Variants in ZZEF1 observed in about 807,000 individuals in gnomAD.
ZZEF1 encodes zinc finger ZZ-type and EF-hand domain-containing protein 1.
Under a neutral mutation model 342.8 loss-of-function variants are expected in ZZEF1, and 157 were observed. The observed-to-expected ratio is 0.46, with a 90% CI of 0.40 to 0.52. ZZEF1 has a LOEUF of 0.52. ZZEF1 is among the 20% of genes least tolerant of loss of function. The pLI is 0.00. For synonymous variants in ZZEF1, 1,505 were observed against 1,429.1 expected (o/e 1.05, Z -1.20); for missense variants, 3,480 against 3,725.6 (o/e 0.93, Z 1.72).
intron 2 of ZZEF1, among the ~76,000 whole-genome samples, chr17:4,123,263 A>T (rs1457183145): frequency 2.7e-5 from 3 of 109,888 alleles, no homozygotes; most frequent in African/African-American, 1.1e-4. Context: ...AGAATTTATC[A>T]TAACCATATA....
At chr17:4,138,844 A>G (rs62072176) in intron 1 of ZZEF1, among the ~76,000 whole-genome samples, 22,356 of 152,232 alleles carry the variant, frequency 0.15, 1,772 homozygotes, top group African/African-American at 0.2. Flanking sequence ...TCCCCTCTAC[A>G]TGGCAGTTAA....
chr17:4,079,587 G>A (rs2057684879), intron 18 of ZZEF1, among the ~76,000 whole-genome samples: 1 of 152,106 alleles, frequency 6.6e-6, no homozygotes, highest in Non-Finnish European at 1.5e-5. Context: ...AAAAAATAGA[G>A]CATAGTTTTT....
intron 1 of ZZEF1, among the ~76,000 whole-genome samples, chr17:4,138,236 A>G (rs1192603529): frequency 6.6e-6 from 1 of 152,220 alleles, no homozygotes; most frequent in Admixed American, 6.5e-5. Context: ...CACAGCTCTT[A>G]CAGTCAATAG....
In ZZEF1 at chr17:4,100,810, G is replaced by A. The variant is rs2002426; in HGVS notation, c.1672+1507C>T. Among the ~76,000 whole-genome samples the A allele has an allele frequency of 6.2e-3, 950 of 152,300 alleles. 14 individuals carry two copies. Among genetic ancestry groups the A allele is most frequent in the African/African-American group, 0.022 (910 of 41,546 alleles). ...AGATCATACCACTGCACTCCAGCCTGGGCGATAGAGTGAGACTTCGTCTCA... is the reference window on the plus strand; with the variant it reads ...AGATCATACCACTGCACTCCAGCCTAGGCGATAGAGTGAGACTTCGTCTCA... On this transcript the variant is annotated intron_variant, in intron 9 of 54. Coordinates refer to ENST00000381638, the MANE Select transcript of ZZEF1 (RefSeq NM_015113.4).
At chr17:4,013,395 C>G in intron 52 of ZZEF1, 54 bp downstream of exon 52, 2 of 1,473,886 alleles carry the variant, frequency 1.4e-6, no homozygotes, top group Non-Finnish European at 1.8e-6. Context: ...GGGCCAGCCA[C>G]AGAGTGGGGA....
At chr17:4,130,702 G>C (rs993298464) in intron 1 of ZZEF1, among the ~76,000 whole-genome samples, 3 of 152,052 alleles carry the variant, frequency 2.0e-5, no homozygotes, top group Non-Finnish European at 4.4e-5. Context: ...CCAAACAAGA[G>C]TTTAAGAAAG....
chr17:4,036,360 G>A (rs1230115137), intron 39 of ZZEF1, among the ~76,000 whole-genome samples: 2 of 151,704 alleles, frequency 1.3e-5, no homozygotes, highest in Admixed American at 1.3e-4. Flanking sequence ...TAGAATTCCA[G>A]GAGCATTCCC....
At chr17:4,021,909 T>C (rs113097924) in intron 44 of ZZEF1, among the ~76,000 whole-genome samples, 4,691 of 151,770 alleles carry the variant, frequency 0.031, 174 homozygotes, top group African/African-American at 0.092. Context: ...ATGGCAGCTG[T>C]GTTTGGAATA....
intron 1 of ZZEF1, among the ~76,000 whole-genome samples, chr17:4,136,859 A>G (rs953421826): frequency 6.6e-6 from 1 of 152,058 alleles, no homozygotes; most frequent in African/African-American, 2.4e-5. Context: ...TTCCTTTGCC[A>G]GGCGAATTCT....
At chr17:4,061,848 T>C (rs2057293529) in intron 30 of ZZEF1, among the ~76,000 whole-genome samples, 1 of 152,198 alleles carries the variant, frequency 6.6e-6, no homozygotes, top group African/African-American at 2.4e-5. Context: ...CCATCATTTC[T>C]TGCCTGGACT....
At position 4,033,119 on chromosome 17, in the gene ZZEF1, T is replaced by C. The variant is rs2056585414; in HGVS notation, c.6585-117A>G. 3.1e-6 allele frequency: 3 copies of C among 968,378 alleles called. No homozygotes were observed. In the South Asian group the frequency reaches 5.5e-5, roughly 18 times the overall value. 60.0% of individuals were successfully genotyped at this position (968,378 alleles called of 1,614,324 possible). On this transcript the variant is annotated intron_variant, in intron 40 of 54. Transcript: ENST00000381638. ...TTCAAAGAGCCATTCATTAACTAGC[T>C]TAAAAACTACCAGAATAATGCTTTT...
Position 4,076,848 on chromosome 17 carries a change from T to C in ZZEF1, c.3111+20A>G. 1.9e-6 allele frequency: 3 copies of C among 1,613,922 alleles called. No individual in the cohort carries two copies. Among genetic ancestry groups the C allele is most frequent in the Non-Finnish European group, 2.5e-6 (3 of 1,179,860 alleles). ...CAACCCCCTTCCGGTTCTTTACAAATAGCTGCTAGTTTTTCTTACCAGTTG... is the reference window on the plus strand; with the variant it reads ...CAACCCCCTTCCGGTTCTTTACAAACAGCTGCTAGTTTTTCTTACCAGTTG... On this transcript the variant is annotated intron_variant, in intron 20 of 54. Coordinates refer to ENST00000381638, the MANE Select transcript of ZZEF1 (RefSeq NM_015113.4).
intron 1 of ZZEF1, among the ~76,000 whole-genome samples, chr17:4,140,142 C>T (rs565066920): frequency 1.3e-5 from 2 of 152,338 alleles, no homozygotes; most frequent in East Asian, 1.9e-4. Context: ...CAATCTTGGA[C>T]TGCCTACCTG....
chr17:4,112,302 C>G (rs547154011), intron 5 of ZZEF1, among the ~76,000 whole-genome samples: 4 of 150,800 alleles, frequency 2.7e-5, no homozygotes, highest in African/African-American at 9.8e-5. Context: ...CCCACCCCCA[C>G]GCCTGGATAA....
chr17:4,017,757 A>T lies in ZZEF1; in HGVS notation c.7642-27T>A. The T allele has an allele frequency of 6.2e-7, 1 of 1,612,138 alleles. No homozygotes were observed. Reference sequence around the variant, plus strand: ...TGCAAACCCAAGACCACCATTACAGAGGTCTAGCCTTCTTACAGTGGTGGT... The same window carrying T: ...TGCAAACCCAAGACCACCATTACAGTGGTCTAGCCTTCTTACAGTGGTGGT... On this transcript the variant is annotated intron_variant, in intron 47 of 54. Coordinates refer to ENST00000381638, the MANE Select transcript of ZZEF1 (RefSeq NM_015113.4). This position sits in a 1 kb window ranked among gnomAD's most constrained non-coding sequence, Gnocchi z 5.1.
chr17:4,109,809 T>C lies in ZZEF1; in HGVS notation c.1121A>G (p.His374Arg), dbSNP rs751340288. The C allele has an allele frequency of 9.9e-6, 16 of 1,614,232 alleles. No individual in the cohort carries two copies. Among genetic ancestry groups the C allele is most frequent in the Non-Finnish European group, 1.2e-5 (14 of 1,180,048 alleles). ...CLSDGCDTRI[H>R]GLRAVGFQRV... Reference sequence around the variant, plus strand: ...CTGAAAGCCAACAGCCCTGAGACCATGAATTCTAGTGTCGCAGCCATCGCT... The same window carrying C: ...CTGAAAGCCAACAGCCCTGAGACCACGAATTCTAGTGTCGCAGCCATCGCT... The change falls in exon 6 of 55, where the codon CAT becomes CGT. Residue 374 changes from histidine (H) to arginine (R), a missense_variant. His to Arg is a conservative substitution (Grantham distance 29). Around this residue, in one of 5 missense-constraint regions of ZZEF1, gnomAD observed 92 missense variants for 130.3 expected, o/e 0.71. Transcript: ENST00000381638.
chr17:4,112,280 G>C (rs953267268), intron 5 of ZZEF1, among the ~76,000 whole-genome samples: 23 of 150,694 alleles, frequency 1.5e-4, no homozygotes, highest in Non-Finnish European at 1.5e-5. Flanking sequence ...CAAGTGGCTG[G>C]GATTACAGGT....
At chr17:4,022,627 C>T (rs776762726) in intron 44 of ZZEF1, 82 bp downstream of exon 44, 1 of 1,598,286 alleles carries the variant, frequency 6.3e-7, no homozygotes, top group South Asian at 1.1e-5. Context: ...GCAGAAGCAG[C>T]TGGAACTCGG....
chr17:4,089,081 C>A (rs1019306196), intron 12 of ZZEF1, among the ~76,000 whole-genome samples, 188 bp from the exon 13 acceptor site: 1 of 152,200 alleles, frequency 6.6e-6, no homozygotes, highest in East Asian at 1.9e-4. Context: ...AAAGACAATA[C>A]AAATGTTGAA....
Sources: gnomAD v4.1 joint callset for allele counts (sites outside exome capture counted in the v4.1 genomes callset) on GRCh38, gnomAD v4.1.1 for gene constraint, gnomAD v4.1.1 regional missense constraint, Gnocchi (gnomAD v3.1) non-coding constraint, MANE v1.5 for transcripts, NCBI Gene and HGNC (gene_info 2026-07-23, HGNC 2026-07-21) for gene names.